ATP8A1: variants seen among roughly 807,000 people sequenced by gnomAD.
ATP8A1 encodes the protein ATPase phospholipid transporting 8A1.
Under a neutral mutation model 177.7 loss-of-function variants are expected in ATP8A1, and 90 were observed. The ratio of observed to expected loss-of-function variants is 0.51; its 90% confidence interval spans 0.43 to 0.60. The LOEUF is 0.60. Ranked by LOEUF, ATP8A1 falls within the 20% of genes least tolerant of loss-of-function variation. ATP8A1 has a pLI of 0.00. For missense variants in ATP8A1, 1,072 were observed against 1,392.8 expected, an observed-to-expected ratio of 0.77 and a Z score of 3.67; for synonymous variants, 493 against 485.9, an observed-to-expected ratio of 1.01 and a Z score of -0.19.
At chr4:42,592,788 T>C (rs1409024452) in intron 6 of ATP8A1, among the ~76,000 whole-genome samples, 1 of 152,104 alleles carries the variant, frequency 6.6e-6, no homozygotes, top group East Asian at 1.9e-4. Context: ...CTGTATGGAA[T>C]AGTGTAAAGA....
intron 27 of ATP8A1, among the ~76,000 whole-genome samples, chr4:42,461,725 G>A (rs1164558694): frequency 6.6e-6 from 1 of 152,192 alleles, no homozygotes; most frequent in African/African-American, 2.4e-5. Context: ...GGTGACTTTG[G>A]AACTGGGTAA....
chr4:42,653,639 G>A (rs905807040), intron 1 of ATP8A1, among the ~76,000 whole-genome samples: 1 of 152,154 alleles, frequency 6.6e-6, no homozygotes, highest in Non-Finnish European at 1.5e-5. Context: ...CTTTTAGGAT[G>A]TCCCTCCCTT....
chr4:42,555,085 G>C (rs112807922), intron 16 of ATP8A1, among the ~76,000 whole-genome samples: 7 of 119,574 alleles, frequency 5.9e-5, no homozygotes, highest in South Asian at 3.0e-4. Context: ...CTTTGTGTGT[G>C]TATCTATCTA....
At chr4:42,520,735 A>T (rs1046554482) in intron 22 of ATP8A1, among the ~76,000 whole-genome samples, 3 of 152,130 alleles carry the variant, frequency 2.0e-5, no homozygotes, top group Non-Finnish European at 4.4e-5. Flanking sequence ...AAAAAGTTCA[A>T]ATATAAGGAG....
chr4:42,496,313 C>T (rs952169145), intron 24 of ATP8A1, among the ~76,000 whole-genome samples: 1 of 152,122 alleles, frequency 6.6e-6, no homozygotes, highest in Non-Finnish European at 1.5e-5. Context: ...TGGATAAAGG[C>T]TTTTACCAAA....
At chr4:42,591,273 G>A (rs1393368559) in intron 6 of ATP8A1, among the ~76,000 whole-genome samples, 1 of 151,248 alleles carries the variant, frequency 6.6e-6, no homozygotes, top group East Asian at 1.9e-4. Flanking sequence ...ACCAAAAAAG[G>A]AAGAAAATAA....
At chr4:42,462,625 G>A (rs533929950) in intron 27 of ATP8A1, among the ~76,000 whole-genome samples, 2 of 152,380 alleles carry the variant, frequency 1.3e-5, no homozygotes, top group African/African-American at 4.8e-5. Flanking sequence ...TGTTAGGGCA[G>A]TGGAGAAGGA....
At chr4:42,506,950 C>T in intron 23 of ATP8A1, 66 bp downstream of exon 23, 2 of 1,519,964 alleles carry the variant, frequency 1.3e-6, no homozygotes, top group African/African-American at 1.4e-5. Flanking sequence ...GTCTCAAATC[C>T]ATCTTCTGAA....
At chr4:42,653,718 A>G (rs1470074711) in intron 1 of ATP8A1, among the ~76,000 whole-genome samples, 1 of 152,230 alleles carries the variant, frequency 6.6e-6, no homozygotes, top group Non-Finnish European at 1.5e-5. Context: ...ATAAGAAATT[A>G]GATTCAATGA....
At chr4:42,548,394 C>T (rs1401586049) in intron 19 of ATP8A1, among the ~76,000 whole-genome samples, 2 of 152,072 alleles carry the variant, frequency 1.3e-5, no homozygotes, top group Non-Finnish European at 2.9e-5. Flanking sequence ...TATTTCAAAA[C>T]GATTTCTTTT....
intron 3 of ATP8A1, 69 bp from the exon 4 acceptor site, chr4:42,624,703 C>G (rs1408827925): frequency 2.5e-6 from 2 of 809,436 alleles, no homozygotes; most frequent in Non-Finnish European, 3.7e-6. Context: ...TTCAAGAAAA[C>G]AGTCTCAGTG....
intron 1 of ATP8A1, among the ~76,000 whole-genome samples, chr4:42,640,374 C>T (rs1024465949): frequency 6.6e-6 from 1 of 152,158 alleles, no homozygotes; most frequent in African/African-American, 2.4e-5. Flanking sequence ...TAAAAAAGGT[C>T]CTTTACATTA....
At chr4:42,471,958 G>C in intron 25 of ATP8A1, 1 of 690,800 alleles carries the variant, frequency 1.4e-6, no homozygotes, top group South Asian at 1.4e-5. Flanking sequence ...AGCAGCCAAA[G>C]AGCCTAAGTT....
chr4:42,624,568 C>A lies in ATP8A1; in HGVS notation c.331G>T (p.Val111Leu). 6.7e-7 allele frequency: 1 copy of A among 1,497,274 alleles called. No individual in the cohort carries two copies. The highest frequency in any genetic ancestry group is 8.9e-7 in the Non-Finnish European group (1 of 1,121,640). The allele number at this position is 1,497,274 out of a possible 1,614,324, so 92.7% of individuals were successfully genotyped here. A position where few individuals can be genotyped will look rare whatever the true frequency, so the allele number is the denominator to read the frequency against. The change falls in exon 4 of 37, where the codon GTG becomes TTG. Residue 111 changes from valine to leucine, a missense_variant. Coordinates refer to ENST00000381668, the MANE Select transcript of ATP8A1 (RefSeq NM_006095.2). ...TLVPLLFILA[V>L]AAIKEIIEDI... Reference sequence around the variant, plus strand: ...TCTATTATCTCTTTGATAGCTGCCACAGCTAAAATAAATAAGAGAGGAACC... The same window carrying A: ...TCTATTATCTCTTTGATAGCTGCCAAAGCTAAAATAAATAAGAGAGGAACC...
intron 30 of ATP8A1, among the ~76,000 whole-genome samples, chr4:42,451,483 C>T (rs541418942): frequency 6.6e-5 from 10 of 152,152 alleles, no homozygotes; most frequent in Non-Finnish European, 1.3e-4. Context: ...TTCTCCAAAC[C>T]GAGAGAATAA....
chr4:42,493,507 A>G (rs1467550848), intron 24 of ATP8A1, among the ~76,000 whole-genome samples: 1 of 152,220 alleles, frequency 6.6e-6, no homozygotes, highest in Non-Finnish European at 1.5e-5. Flanking sequence ...TATATCACAC[A>G]TATCAAAAAG....
intron 1 of ATP8A1, among the ~76,000 whole-genome samples, chr4:42,632,470 C>T (rs1738843713): frequency 6.6e-6 from 1 of 152,068 alleles, no homozygotes; most frequent in Non-Finnish European, 1.5e-5. Flanking sequence ...CTCTAAGAGG[C>T]CAAATTTTGC....
At chr4:42,472,747 CAAAA>C (rs11315234) in intron 25 of ATP8A1, among the ~76,000 whole-genome samples, 2 of 111,024 alleles carry the variant, frequency 1.8e-5, no homozygotes, top group Non-Finnish European at 1.8e-5. Context: ...GAGACTGTCT[CAAAA>C]AAAAAAAAAA....
At chr4:42,604,998 G>T (rs1165493328) in intron 5 of ATP8A1, among the ~76,000 whole-genome samples, 2 of 152,188 alleles carry the variant, frequency 1.3e-5, no homozygotes, top group Non-Finnish European at 2.9e-5. Flanking sequence ...GTAGGTTAGT[G>T]ATTGCAAGGG....
Sources: allele counts gnomAD v4.1 joint callset (sites outside exome capture counted in the v4.1 genomes callset), GRCh38; gene constraint gnomAD v4.1.1; transcripts MANE v1.5; gene names NCBI Gene and HGNC (gene_info 2026-07-23, HGNC 2026-07-21).